Variants in METTL15 observed in about 807,000 individuals in gnomAD.
METTL15 encodes methyltransferase 15, mitochondrial 12S rRNA N4-cytidine, also known as 12S rRNA N(4)-cytidine methyltransferase METTL15.
METTL15 carries 34 observed loss-of-function variants against 38.3 expected under a neutral mutation model. The observed-to-expected ratio is 0.89, with a 90% CI of 0.68 to 1.18. The LOEUF (loss-of-function observed/expected upper bound fraction) is 1.18, where lower values mean the gene tolerates loss of function less well. Ranked by LOEUF, METTL15 falls within the 50% of genes most tolerant of loss-of-function variation. The probability of loss-of-function intolerance (pLI) is 0.00; values close to 1 mark genes in which losing one functional copy is unlikely to be tolerated. For missense variants in METTL15, 438 were observed against 498.4 expected (o/e 0.88, Z 1.15); for synonymous variants, 162 against 170.9 (o/e 0.95, Z 0.41).
chr11:28,180,974 G>A (rs903626939), intron 3 of METTL15, among the ~76,000 whole-genome samples: 2 of 151,604 alleles, frequency 1.3e-5, no homozygotes, highest in Non-Finnish European at 2.9e-5. Flanking sequence ...GCTAGGTTTC[G>A]TTTTCTACTT....
At chr11:28,287,703 T>C (rs187070984) in intron 4 of METTL15, 1 of 152,666 alleles carries the variant, frequency 6.6e-6, no homozygotes, top group African/African-American at 2.4e-5. Context: ...TCAAATAGCC[T>C]AGCCACAAGT....
At chr11:28,521,035 A>G (rs1851760966) in intron 6 of METTL15, among the ~76,000 whole-genome samples, 1 of 151,642 alleles carries the variant, frequency 6.6e-6, no homozygotes, top group Non-Finnish European at 1.5e-5. Context: ...TTTTAACTTC[A>G]GGAACTGTTA....
intron 3 of METTL15, among the ~76,000 whole-genome samples, chr11:28,176,162 T>G (rs920485793): frequency 6.6e-6 from 1 of 152,004 alleles, no homozygotes; most frequent in Non-Finnish European, 1.5e-5. Flanking sequence ...TCAAAAGAAA[T>G]ATATTTAGAA....
At chr11:28,310,602 A>T (rs1371991566) in intron 6 of METTL15, among the ~76,000 whole-genome samples, 1 of 152,094 alleles carries the variant, frequency 6.6e-6, no homozygotes, top group Non-Finnish European at 1.5e-5. Flanking sequence ...TACATCATTT[A>T]CTTGCTCAAA....
chr11:28,300,168 A>G (rs1366228136), intron 6 of METTL15, among the ~76,000 whole-genome samples: 4 of 152,112 alleles, frequency 2.6e-5, no homozygotes, highest in African/African-American at 9.7e-5. Context: ...CCTAAGCAAT[A>G]TCTTTGTTTG....
rs143039489 is a variant in METTL15 at position 28,269,659 on chromosome 11, C to T, written c.408-20547C>T. ...CCTCTTAACATTTGTTTACTATCAG[C>T]ACTAGATTCTTTGGGAATTCATAGG... On this transcript the variant is annotated intron_variant, in intron 4 of 6. Transcript: ENST00000407364. Among the ~76,000 whole-genome samples the T allele has an allele frequency of 4.3e-3, 659 of 152,244 alleles. 8 individuals carry two copies. Among genetic ancestry groups the T allele is most frequent in the African/African-American group, 0.014 (596 of 41,570 alleles).
At chr11:28,522,374 C>CCGAAGAAGAGCTGACTGT (rs1368685559) in intron 6 of METTL15, among the ~76,000 whole-genome samples, 1 of 152,154 alleles carries the variant, frequency 6.6e-6, no homozygotes, top group African/African-American at 2.4e-5. Flanking sequence ...GGCTGGAGAC[C>CCGAAGAAGAGCTGACTGT]CGAAGAAGAG....
intron 3 of METTL15, among the ~76,000 whole-genome samples, chr11:28,119,279 A>G (rs1466658861): frequency 1.3e-5 from 2 of 152,170 alleles, no homozygotes; most frequent in Non-Finnish European, 2.9e-5. Context: ...CTTGCTTACC[A>G]TTATATCTCT....
chr11:28,353,887 T>C (rs1564904246), intron 4 of METTL15, among the ~76,000 whole-genome samples: 3 of 138,796 alleles, frequency 2.2e-5, no homozygotes, highest in African/African-American at 8.3e-5. Context: ...ATTGCGCCAC[T>C]GCAGTCCGCA....
chr11:28,446,757 G>T (rs984114410), intron 6 of METTL15, among the ~76,000 whole-genome samples: 1 of 151,924 alleles, frequency 6.6e-6, no homozygotes, highest in African/African-American at 2.4e-5. Flanking sequence ...AATGTTTATT[G>T]TAAAGTACAA....
chr11:28,313,663 G>A (rs534746114), intron 6 of METTL15, among the ~76,000 whole-genome samples: 3 of 151,760 alleles, frequency 2.0e-5, no homozygotes, highest in South Asian at 2.1e-4. Flanking sequence ...GTGATTGGAT[G>A]TATATAGTTT....
chr11:28,388,326 A>C (rs1850462861), intron 5 of METTL15, among the ~76,000 whole-genome samples: 2 of 152,144 alleles, frequency 1.3e-5, no homozygotes, highest in Admixed American at 1.3e-4. Context: ...GATTCCACAC[A>C]AGAAAATCCT....
At chr11:28,122,379 A>G (rs949505991) in intron 3 of METTL15, among the ~76,000 whole-genome samples, 60 of 147,202 alleles carry the variant, frequency 4.1e-4, no homozygotes, top group Middle Eastern at 3.5e-3. Context: ...GTGTATATAT[A>G]TATATATATA....
intron 6 of METTL15, among the ~76,000 whole-genome samples, chr11:28,468,918 G>GT: frequency 6.6e-6 from 1 of 152,286 alleles, no homozygotes; most frequent in African/African-American, 2.4e-5. Context: ...AGACCAATTT[G>GT]GGGGGCATAG....
At chr11:28,384,905 T>C (rs972488398) in intron 5 of METTL15, among the ~76,000 whole-genome samples, 2 of 152,224 alleles carry the variant, frequency 1.3e-5, no homozygotes, top group South Asian at 4.1e-4. Context: ...AATGTTGAGC[T>C]CTTTTTCCCA....
intron 3 of METTL15, among the ~76,000 whole-genome samples, chr11:28,344,050 C>A (rs2133356507): frequency 1.3e-5 from 2 of 152,226 alleles, no homozygotes; most frequent in Middle Eastern, 6.8e-3. Flanking sequence ...GCTTAATTTC[C>A]TGGGACATAA....
intron 4 of METTL15, among the ~76,000 whole-genome samples, chr11:28,246,124 AGCAAT>A (rs1390209575): frequency 6.6e-6 from 1 of 152,220 alleles, no homozygotes; most frequent in Non-Finnish European, 1.5e-5. Context: ...CAATGTTTGG[AGCAAT>A]ATTGTGACTA....
chr11:28,391,156 A>T (rs762593711), intron 5 of METTL15, among the ~76,000 whole-genome samples: 1 of 152,032 alleles, frequency 6.6e-6, no homozygotes, highest in East Asian at 1.9e-4. Flanking sequence ...TTCTAGATAT[A>T]CAATCATGTC....
At chr11:28,185,464 A>G (rs1446070061) in intron 3 of METTL15, among the ~76,000 whole-genome samples, 2 of 151,462 alleles carry the variant, frequency 1.3e-5, no homozygotes, top group Admixed American at 1.3e-4. Context: ...ATCTTTTAGA[A>G]TAGACTAAAT....
Sources: allele counts gnomAD v4.1 joint callset (sites outside exome capture counted in the v4.1 genomes callset), GRCh38; gene constraint gnomAD v4.1.1; transcripts MANE v1.5; gene names NCBI Gene and HGNC (gene_info 2026-07-23, HGNC 2026-07-21).